Variants in COMMD7 observed in about 807,000 individuals in gnomAD.
The protein encoded by COMMD7 is COMM domain containing 7.
In COMMD7, 28 loss-of-function variants were observed where a neutral mutation model predicts 34.8. The observed-to-expected ratio is 0.80, with a 90% confidence interval of 0.60 to 1.10. The LOEUF is 1.10. Among genes scored for constraint, COMMD7 ranks in the 50% least tolerant of loss-of-function variants. The pLI is 0.00. For missense variants in COMMD7, 211 were observed against 241.6 expected (o/e 0.87, Z 0.84); for synonymous variants, 80 against 86.4 (o/e 0.93, Z 0.41).
At chr20:32,722,720 GA>G (rs72491024) in intron 3 of COMMD7, among the ~76,000 whole-genome samples, 3,098 of 113,076 alleles carry the variant, frequency 0.027, 112 homozygotes, top group African/African-American at 0.089. Flanking sequence ...TGAGACTCAG[GA>G]AAAAAAAAAA....
At chr20:32,741,397 T>TC (rs1233182215) in intron 1 of COMMD7, among the ~76,000 whole-genome samples, 2 of 149,302 alleles carry the variant, frequency 1.3e-5, no homozygotes, top group African/African-American at 4.9e-5. Context: ...AGAAAGTTGT[T>TC]TTTTTTTTTT....
chr20:32,703,717 G>A (rs1983883471), intron 8 of COMMD7: 3 of 1,447,238 alleles, frequency 2.1e-6, no homozygotes, highest in East Asian at 5.0e-5. Flanking sequence ...TATCATTCGG[G>A]ATGTTCAATG....
intron 1 of COMMD7, 92 bp from the exon 2 acceptor site, chr20:32,728,234 G>T: frequency 8.5e-7 from 1 of 1,175,958 alleles, no homozygotes. Flanking sequence ...TGAGAGGGAA[G>T]AACAGTAACA....
chr20:32,739,404 G>C (rs1009485966), intron 1 of COMMD7, among the ~76,000 whole-genome samples: 6 of 152,112 alleles, frequency 3.9e-5, no homozygotes, highest in Non-Finnish European at 8.8e-5. Flanking sequence ...CCAGCACTTT[G>C]GGAGGCTGAG....
intron 7 of COMMD7, among the ~76,000 whole-genome samples, 176 bp from the exon 8 acceptor site, chr20:32,704,247 A>T (rs932134878): frequency 6.6e-6 from 1 of 152,184 alleles, no homozygotes; most frequent in Non-Finnish European, 1.5e-5. Flanking sequence ...TCACGCATCA[A>T]TGAATAACAC....
intron 3 of COMMD7, among the ~76,000 whole-genome samples, chr20:32,707,836 A>T (rs1984196720): frequency 6.6e-6 from 1 of 152,032 alleles, no homozygotes; most frequent in South Asian, 2.1e-4. Context: ...TGCATTATGT[A>T]GCCACTATTG....
At position 32,716,390 on chromosome 20, in the gene COMMD7, C is replaced by T. The variant is rs1257326413; in HGVS notation, c.242-9630G>A. Among the ~76,000 whole-genome samples the T allele has an allele frequency of 3.3e-5, 5 of 151,872 alleles. No homozygotes were observed. In the East Asian group the frequency reaches 5.8e-4, roughly 18 times the overall value. ...CAGCACTTTGGGAGGCCGAGGCGGG[C>T]GGATCACGAGGTCAGGAGATCTAGA... On this transcript the variant is annotated intron_variant, in intron 3 of 8. Coordinates refer to ENST00000278980, the MANE Select transcript of COMMD7 (RefSeq NM_053041.3).
intron 1 of COMMD7, among the ~76,000 whole-genome samples, chr20:32,731,684 T>C (rs949193627): frequency 1.3e-5 from 2 of 152,228 alleles, no homozygotes; most frequent in Non-Finnish European, 2.9e-5. Flanking sequence ...AGTTTCCTTA[T>C]ATGGCATTGC....
intron 1 of COMMD7, among the ~76,000 whole-genome samples, chr20:32,731,120 C>G (rs1985809477): frequency 6.6e-6 from 1 of 152,026 alleles, no homozygotes; most frequent in Non-Finnish European, 1.5e-5. Flanking sequence ...TTGCTTGAGG[C>G]CAGGAGTTCG....
intron 3 of COMMD7, among the ~76,000 whole-genome samples, chr20:32,707,535 G>T (rs1204454003): frequency 6.6e-6 from 1 of 151,782 alleles, no homozygotes; most frequent in African/African-American, 2.4e-5. Flanking sequence ...GACCAGGCTG[G>T]TCTTGAACTA....
chr20:32,718,376 C>G (rs1208657831), intron 3 of COMMD7, among the ~76,000 whole-genome samples: 1 of 150,968 alleles, frequency 6.6e-6, no homozygotes, highest in African/African-American at 2.4e-5. Context: ...TGCACTCCAG[C>G]CTGGGCTACA....
chr20:32,734,044 G>A (rs1985998398), intron 1 of COMMD7, among the ~76,000 whole-genome samples: 1 of 151,896 alleles, frequency 6.6e-6, no homozygotes, highest in African/African-American at 2.4e-5. Flanking sequence ...AGCCAAGCGT[G>A]GTAGGGGGCG....
intron 1 of COMMD7, chr20:32,742,502 A>C (rs1986501446): frequency 6.6e-6 from 1 of 152,110 alleles, no homozygotes; most frequent in African/African-American, 2.4e-5. Flanking sequence ...GGTGGTATGA[A>C]AAGGCATCCC....
chr20:32,715,983 A>G (rs915242643), intron 3 of COMMD7, among the ~76,000 whole-genome samples: 7 of 152,168 alleles, frequency 4.6e-5, no homozygotes, highest in Non-Finnish European at 8.8e-5. Context: ...GCACCTTATT[A>G]CATTTATTAT....
intron 3 of COMMD7, among the ~76,000 whole-genome samples, chr20:32,712,701 AAACACAGAT>A (rs1229600033): frequency 6.6e-6 from 1 of 150,382 alleles, no homozygotes; most frequent in Non-Finnish European, 1.5e-5. Context: ...ATCCTTCTTC[AAACACAGAT>A]AACTTTGAGA....
chr20:32,714,878 C>T (rs1206393468), intron 3 of COMMD7, among the ~76,000 whole-genome samples: 1 of 128,224 alleles, frequency 7.8e-6, no homozygotes, highest in East Asian at 2.1e-4. Flanking sequence ...GTGTAGTGCG[C>T]ATGCCTGTAA....
intron 3 of COMMD7, among the ~76,000 whole-genome samples, chr20:32,709,697 G>A (rs1984311276): frequency 6.6e-6 from 1 of 151,994 alleles, no homozygotes; most frequent in Non-Finnish European, 1.5e-5. Flanking sequence ...CCTCCTCTTA[G>A]AACCCCTAGG....
intron 3 of COMMD7, among the ~76,000 whole-genome samples, chr20:32,717,991 A>G (rs1984903771): frequency 6.6e-6 from 1 of 151,740 alleles, no homozygotes; most frequent in Admixed American, 6.6e-5. Context: ...CAGGAAGCTG[A>G]GGCAGGAGAA....
At chr20:32,733,535 A>G (rs538285381) in intron 1 of COMMD7, among the ~76,000 whole-genome samples, 1 of 151,848 alleles carries the variant, frequency 6.6e-6, no homozygotes, top group African/African-American at 2.4e-5. Context: ...CCTAGCTAAC[A>G]TGGTGAAACC....
Sources: allele counts gnomAD v4.1 joint callset (sites outside exome capture counted in the v4.1 genomes callset), GRCh38; gene constraint gnomAD v4.1.1; transcripts MANE v1.5; gene names NCBI Gene and HGNC (gene_info 2026-07-23, HGNC 2026-07-21).